The following VPS13B variants were observed in gnomAD, a reference collection of about 807,000 sequenced individuals.
VPS13B encodes the protein vacuolar protein sorting 13 homolog B, also known as intermembrane lipid transfer protein VPS13B.
VPS13B carries 285 observed loss-of-function variants against 426.4 expected under a neutral mutation model. That is an observed-to-expected ratio of 0.67 (90% confidence interval 0.61 to 0.74). The LOEUF (loss-of-function observed/expected upper bound fraction) is 0.74. Ranked by LOEUF, VPS13B falls within the 30% of genes least tolerant of loss-of-function variation. The pLI, the probability that VPS13B is intolerant of heterozygous loss-of-function variation, is 0.00. For synonymous variants in VPS13B, 1,676 were observed against 1,676.4 expected (o/e 1.00, Z 0.01); for missense variants, 4,537 against 4,782.6 (o/e 0.95, Z 1.51).
rs1847921410 is a variant in VPS13B, at chr8:99,121,298, G to T, written c.1059G>T (p.Val353=). The change falls in exon 8 of 62, where the codon GTG becomes GTT. Residue 353 remains valine, a synonymous_variant. Coordinates refer to ENST00000357162, the MANE Select transcript of VPS13B (RefSeq NM_152564.5). ...QGWVSWAWSF[V]PAIVSYDDGE... is the part of the protein sequence containing the mutation. The stretch of plus-strand genomic sequence containing the variant: ...GGGTGTCATGGGCCTGGTCCTTTGT[G>T]CCTGCAATTGTGAGTTATGACGATG... 6.2e-7 allele frequency: 1 copy of T among 1,614,012 alleles called. No homozygotes were observed. Among genetic ancestry groups the T allele is most frequent in the South Asian group, 1.1e-5 (1 of 91,076 alleles).
chr8:99,726,623 T>C (rs2130377302), intron 39 of VPS13B, among the ~76,000 whole-genome samples: 1 of 152,220 alleles, frequency 6.6e-6, no homozygotes, highest in East Asian at 1.9e-4. Context: ...TGAAAATAAA[T>C]ATGAAAACAA....
intron 19 of VPS13B, among the ~76,000 whole-genome samples, chr8:99,298,898 A>G (rs1204697160): frequency 6.6e-6 from 1 of 152,196 alleles, no homozygotes; most frequent in Non-Finnish European, 1.5e-5. Flanking sequence ...AGCTAGCACA[A>G]GGCCAAGGAG....
chr8:99,479,150 T>C (rs978254676), intron 24 of VPS13B, among the ~76,000 whole-genome samples: 1 of 152,188 alleles, frequency 6.6e-6, no homozygotes, highest in Non-Finnish European at 1.5e-5. Flanking sequence ...GATCATCCCC[T>C]GCGCTTGGCT....
intron 35 of VPS13B, among the ~76,000 whole-genome samples, chr8:99,667,251 A>G (rs1460722285): frequency 3.3e-5 from 5 of 152,142 alleles, no homozygotes; most frequent in Admixed American, 1.3e-4. Context: ...TACTTTTTGT[A>G]GCAAGTTTTA....
intron 2 of VPS13B, among the ~76,000 whole-genome samples, chr8:99,022,178 T>C (rs1210261937): frequency 6.6e-6 from 1 of 151,728 alleles, no homozygotes; most frequent in African/African-American, 2.4e-5. Context: ...TTACTTTTCT[T>C]TTTTCTAGTT....
In VPS13B at chr8:99,833,474, A is replaced by AT. The variant is rs954091203; in HGVS notation, c.9614+829dup. Among the ~76,000 whole-genome samples, 8 of 152,162 alleles carry AT rather than the reference A, an allele frequency of 5.3e-5. No homozygotes were observed. In the East Asian group the frequency reaches 1.2e-3, roughly 22 times the overall value. ...TGTAATATTTTAAAAGACAAGAGAG[A>AT]TTTTTTTAATAGTAATATTTTAAAT... On this transcript the variant is annotated intron_variant, in intron 52 of 61. Transcript: ENST00000357162.
intron 33 of VPS13B, among the ~76,000 whole-genome samples, chr8:99,609,239 ATTTG>A (rs1300583494): frequency 6.6e-6 from 1 of 152,202 alleles, no homozygotes; most frequent in Non-Finnish European, 1.5e-5. Flanking sequence ...TTTGGAAAAT[ATTTG>A]TTTAGTTAGT....
intron 21 of VPS13B, among the ~76,000 whole-genome samples, chr8:99,427,829 G>C (rs1014292660): frequency 1.3e-5 from 2 of 152,024 alleles, no homozygotes; most frequent in Non-Finnish European, 2.9e-5. Flanking sequence ...GCATTGCCAA[G>C]TCAATCCTAA....
At chr8:99,311,347 C>A (rs1467071581) in intron 19 of VPS13B, among the ~76,000 whole-genome samples, 2 of 152,188 alleles carry the variant, frequency 1.3e-5, no homozygotes, top group South Asian at 4.1e-4. Flanking sequence ...TCAGATGTGT[C>A]CCAGAGATTC....
chr8:99,851,278 A>T (rs1429925197), intron 55 of VPS13B, among the ~76,000 whole-genome samples: 1 of 152,232 alleles, frequency 6.6e-6, no homozygotes, highest in Non-Finnish European at 1.5e-5. Flanking sequence ...GGCTTATTGG[A>T]TGCCTAGCAT....
intron 43 of VPS13B, among the ~76,000 whole-genome samples, chr8:99,808,796 CA>C (rs771016121): frequency 0.13 from 16,661 of 128,162 alleles, 1,107 homozygotes; most frequent in African/African-American, 0.22. Flanking sequence ...AAGTACATAA[CA>C]AAAAAAAAAA....
chr8:99,094,262 C>T (rs1343709804), intron 3 of VPS13B, among the ~76,000 whole-genome samples: 1 of 152,106 alleles, frequency 6.6e-6, no homozygotes. Flanking sequence ...CTGAGACAAC[C>T]ATATGTTTCA....
In VPS13B at chr8:99,246,227, A is replaced by G. The variant is rs368885907; in HGVS notation, c.2516-27971A>G. ...GAGCAGTAGTTAGAGCTTCCAATAT[A>G]TGCTGACCTTCAGGCCCTACACCAT... On this transcript the variant is annotated intron_variant, in intron 17 of 61. Coordinates refer to ENST00000357162, the MANE Select transcript of VPS13B (RefSeq NM_152564.5). 5.9e-5 allele frequency among the ~76,000 whole-genome samples: 9 copies of G among 152,320 alleles called. No individual in the cohort carries two copies. The South Asian group carries it at 1.9e-3, about 32-fold the overall frequency.
At chr8:99,060,584 G>T (rs1844127653) in intron 3 of VPS13B, among the ~76,000 whole-genome samples, 1 of 151,022 alleles carries the variant, frequency 6.6e-6, no homozygotes, top group Admixed American at 6.6e-5. Context: ...ACTCCAGCTT[G>T]GGTGATAGAG....
chr8:99,342,625 TA>T (rs751377901), intron 19 of VPS13B, among the ~76,000 whole-genome samples: 1 of 152,298 alleles, frequency 6.6e-6, no homozygotes, highest in East Asian at 1.9e-4. Context: ...TATACTGCAT[TA>T]AAAAAATCAG....
intron 19 of VPS13B, among the ~76,000 whole-genome samples, chr8:99,322,519 T>C (rs1390717200): frequency 6.6e-6 from 1 of 152,182 alleles, no homozygotes; most frequent in Non-Finnish European, 1.5e-5. Flanking sequence ...AAAATAAAAG[T>C]ACATTTTTAA....
At chr8:99,262,919 T>G (rs936014870) in intron 17 of VPS13B, among the ~76,000 whole-genome samples, 8 of 151,870 alleles carry the variant, frequency 5.3e-5, no homozygotes, top group African/African-American at 1.9e-4. Context: ...ACCACAGGTG[T>G]GTGTCACCAT....
intron 31 of VPS13B, among the ~76,000 whole-genome samples, chr8:99,559,419 C>T (rs1824771879): frequency 6.6e-6 from 1 of 152,132 alleles, no homozygotes; most frequent in African/African-American, 2.4e-5. Context: ...AATTAGATCC[C>T]ATTTGTCTAT....
In VPS13B at chr8:99,136,743, A is replaced by G. The variant is rs1372588907; in HGVS notation, c.1642A>G (p.Ser548Gly). Residue 548 changes from serine to glycine, a missense_variant, in exon 12 of 62, where the codon AGT becomes GGT. This residue lies in a region of VPS13B where 4,311 missense variants were observed against 4,474.3 expected (regional missense o/e 0.96). Coordinates refer to ENST00000357162, the MANE Select transcript of VPS13B (RefSeq NM_152564.5). Reference protein sequence around the residue: ...MDYLYTMENTSGKGSTNQQDF... With the variant: ...MDYLYTMENTGGKGSTNQQDF... ...TTACCTGTATACAATGGAGAACACT[A>G]GTGGCAAAGGTATTGGCTTCTTTCC... 3.1e-6 allele frequency: 5 copies of G among 1,613,396 alleles called. No individual in the cohort carries two copies. Among genetic ancestry groups the G allele is most frequent in the Middle Eastern group, 1.6e-4 (1 of 6,080 alleles).
Sources: gnomAD v4.1 joint callset for allele counts (sites outside exome capture counted in the v4.1 genomes callset) on GRCh38, gnomAD v4.1.1 for gene constraint, gnomAD v4.1.1 regional missense constraint, MANE v1.5 for transcripts, NCBI Gene and HGNC (gene_info 2026-07-23, HGNC 2026-07-21) for gene names.